The following DPP6 variants were observed in gnomAD, a reference collection of about 807,000 sequenced individuals.
DPP6 encodes the protein A-type potassium channel modulatory protein DPP6.
A neutral mutation model predicts 122.6 loss-of-function variants in DPP6; 69 were observed. That is an observed-to-expected ratio of 0.56 (90% CI 0.46 to 0.69). The LOEUF (loss-of-function observed/expected upper bound fraction) is 0.69. DPP6 is among the 30% of genes least tolerant of loss of function. DPP6 has a pLI of 0.00. For synonymous variants in DPP6, 418 were observed against 433.1 expected (o/e 0.97, Z 0.43); for missense variants, 928 against 1,116.9 (o/e 0.83, Z 2.41).
At chr7:154,427,535 C>T (rs906368363) in intron 1 of DPP6, among the ~76,000 whole-genome samples, 1 of 152,226 alleles carries the variant, frequency 6.6e-6, no homozygotes, top group South Asian at 2.1e-4. Context: ...GAATATTGCA[C>T]ATGAATCTTA....
chr7:154,096,507 G>A (rs1308856683), intron 1 of DPP6, among the ~76,000 whole-genome samples: 1 of 148,890 alleles, frequency 6.7e-6, no homozygotes, highest in Non-Finnish European at 1.5e-5. Flanking sequence ...AGGTGCTATT[G>A]AGGCAATACC....
At chr7:154,058,465 A>G (rs1801121553) in intron 1 of DPP6, 1 of 110,698 alleles carries the variant, frequency 9.0e-6, no homozygotes, top group Non-Finnish European at 1.8e-5. Flanking sequence ...GGCTGTTGGT[A>G]CCCCCATCGT....
At chr7:154,168,551 C>G (rs552749584) in intron 1 of DPP6, among the ~76,000 whole-genome samples, 1 of 152,184 alleles carries the variant, frequency 6.6e-6, no homozygotes, top group Non-Finnish European at 1.5e-5. Context: ...ATAACCAAGG[C>G]TGATATGTTA....
At chr7:154,311,224 G>A (rs150303026) in intron 1 of DPP6, among the ~76,000 whole-genome samples, 1,920 of 152,300 alleles carry the variant, frequency 0.013, 28 homozygotes, top group Non-Finnish European at 0.019. Flanking sequence ...GGGGAGCCGC[G>A]TGCAGTGGCT....
the DPP6 span, among the ~76,000 whole-genome samples, chr7:153,768,340 C>T: frequency 5.3e-5 from 8 of 151,838 alleles, no homozygotes; most frequent in South Asian, 4.2e-4. Flanking sequence ...CTCACTTAAC[C>T]GTCTCAGTAA....
intron 1 of DPP6, among the ~76,000 whole-genome samples, chr7:154,376,290 T>C (rs985012719): frequency 7.2e-5 from 11 of 152,216 alleles, no homozygotes; most frequent in Non-Finnish European, 1.6e-4. Context: ...TGATGGTTGC[T>C]CCGTACTTTG....
rs117117574 is a variant in DPP6, at chr7:154,709,325, G to A, written c.763-18442G>A. On this transcript the variant is annotated intron_variant, in intron 7 of 25. Coordinates refer to ENST00000377770, the MANE Select transcript of DPP6 (RefSeq NM_130797.4). ...GTCTCAAGTAGCTAGGACTACAGGC[G>A]TGTGCTATGACACTCAGCTAATTTT... Among the ~76,000 whole-genome samples the A allele has an allele frequency of 3.3e-4, 50 of 152,034 alleles. 1 individual carries two copies. The East Asian group carries it at 7.6e-3, about 23-fold the overall frequency.
At chr7:154,537,878 A>T (rs2130210708) in intron 3 of DPP6, among the ~76,000 whole-genome samples, 1 of 152,280 alleles carries the variant, frequency 6.6e-6, no homozygotes, top group Middle Eastern at 3.4e-3. Flanking sequence ...TAATAACAAT[A>T]AAACTAGGAA....
the DPP6 span, among the ~76,000 whole-genome samples, chr7:153,786,046 A>AT: frequency 6.6e-6 from 1 of 152,074 alleles, no homozygotes; most frequent in Admixed American, 6.5e-5. Context: ...AGACCGACAT[A>AT]TTTTATCTGC....
At chr7:154,192,521 G>C (rs68147132) in intron 1 of DPP6, among the ~76,000 whole-genome samples, 1 of 152,252 alleles carries the variant, frequency 6.6e-6, no homozygotes, top group East Asian at 1.9e-4. Flanking sequence ...TAGGGAATTC[G>C]TGAAAGAAAC....
intron 1 of DPP6, among the ~76,000 whole-genome samples, chr7:153,936,113 G>A (rs1012798158): frequency 2.0e-5 from 3 of 152,172 alleles, no homozygotes; most frequent in Admixed American, 1.3e-4. Context: ...CGGCATCTGC[G>A]CTCTAATACT....
chr7:154,574,938 TTGTG>T (rs1213067120), intron 5 of DPP6, among the ~76,000 whole-genome samples: 6 of 136,948 alleles, frequency 4.4e-5, no homozygotes, highest in African/African-American at 1.7e-4. Flanking sequence ...TGTATGTGTG[TTGTG>T]TGTGTGTGAT....
At chr7:153,959,908 A>G (rs1448981659) in intron 1 of DPP6, among the ~76,000 whole-genome samples, 1 of 143,412 alleles carries the variant, frequency 7.0e-6, no homozygotes, top group African/African-American at 2.7e-5. Flanking sequence ...TGCCTTCCTC[A>G]CTCAGCATAA....
chr7:153,847,768 A>T, the DPP6 span, among the ~76,000 whole-genome samples: 1 of 152,126 alleles, frequency 6.6e-6, no homozygotes, highest in Non-Finnish European at 1.5e-5. Context: ...TTTTTCATCC[A>T]TCTATCGCCT....
intron 1 of DPP6, among the ~76,000 whole-genome samples, chr7:154,311,751 C>T (rs1296396495): frequency 6.6e-6 from 1 of 152,168 alleles, no homozygotes; most frequent in Non-Finnish European, 1.5e-5. Flanking sequence ...TTTACTTCTA[C>T]ATCCCGGGTA....
At chr7:154,246,825 T>C (rs1369417972) in intron 1 of DPP6, among the ~76,000 whole-genome samples, 1 of 152,136 alleles carries the variant, frequency 6.6e-6, no homozygotes, top group Admixed American at 6.5e-5. Context: ...AATAATTAAT[T>C]TTAGATGGAT....
intron 1 of DPP6, among the ~76,000 whole-genome samples, chr7:154,371,644 T>C (rs914919433): frequency 1.3e-5 from 2 of 152,022 alleles, no homozygotes; most frequent in African/African-American, 4.8e-5. Context: ...TGGGATGGCC[T>C]CTAGAGCGAT....
At chr7:154,301,489 C>G (rs779466826) in intron 1 of DPP6, among the ~76,000 whole-genome samples, 6 of 152,096 alleles carry the variant, frequency 3.9e-5, no homozygotes, top group Non-Finnish European at 2.9e-5. Flanking sequence ...TGTATTTTCT[C>G]TTGGTCTGCA....
intron 3 of DPP6, among the ~76,000 whole-genome samples, chr7:154,505,123 C>G (rs760081953): frequency 6.6e-6 from 1 of 152,194 alleles, no homozygotes; most frequent in Non-Finnish European, 1.5e-5. Flanking sequence ...TCTTCAGAGA[C>G]TTCCAACTCA....
Sources: gnomAD v4.1 joint callset for allele counts (sites outside exome capture counted in the v4.1 genomes callset) on GRCh38, gnomAD v4.1.1 for gene constraint, MANE v1.5 for transcripts, NCBI Gene and HGNC (gene_info 2026-07-23, HGNC 2026-07-21) for gene names.